AASS: variants seen among roughly 807,000 people sequenced by gnomAD.
AASS encodes the protein aminoadipate-semialdehyde synthase.
AASS carries 86 observed loss-of-function variants against 105.4 expected under a neutral mutation model. The ratio of observed to expected loss-of-function variants is 0.82; its 90% CI spans 0.69 to 0.98. AASS has a LOEUF of 0.98. AASS is among the 50% of genes least tolerant of loss of function. The pLI, the probability that AASS is intolerant of heterozygous loss-of-function variation, is 0.00. For missense variants in AASS, 1,048 were observed against 1,143.2 expected, an observed-to-expected ratio of 0.92 and a Z score of 1.20; for synonymous variants, 381 against 394.8, an observed-to-expected ratio of 0.96 and a Z score of 0.41.
intron 6 of AASS, 39 bp downstream of exon 6, chr7:122,118,268 T>G: frequency 6.2e-7 from 1 of 1,611,464 alleles, no homozygotes; most frequent in Non-Finnish European, 8.5e-7. Flanking sequence ...GTTTCAAAGT[T>G]TTGGATTGTT....
intron 6 of AASS, among the ~76,000 whole-genome samples, chr7:122,117,813 G>A (rs1795254106): frequency 6.6e-6 from 1 of 151,872 alleles, no homozygotes; most frequent in African/African-American, 2.4e-5. Context: ...GCGTCACCAT[G>A]CCTGGCTAAT....
chr7:122,139,916 C>T lies in AASS; in HGVS notation c.-16+4245G>A, dbSNP rs1796308725. 2.0e-5 allele frequency among the ~76,000 whole-genome samples: 3 copies of T among 151,784 alleles called. 1 individual carries two copies. Among genetic ancestry groups the T allele is most frequent in the South Asian group, 4.2e-4 (2 of 4,806 alleles). On this transcript the variant is annotated intron_variant, in intron 1 of 23. Transcript: ENST00000417368. ...GCAGTAAGTGAAGATCATGCCATTA[C>T]ACTCCCACCTGGACAACAAAGTGAG...
At chr7:122,129,264 C>G in intron 3 of AASS, 97 bp downstream of exon 3, 1 of 773,566 alleles carries the variant, frequency 1.3e-6, no homozygotes, top group Non-Finnish European at 1.9e-6. Flanking sequence ...TTCTCTTAAA[C>G]TAAAGAAGAA....
intron 4 of AASS, among the ~76,000 whole-genome samples, chr7:122,123,016 C>T (rs1019575838): frequency 6.6e-6 from 1 of 152,118 alleles, no homozygotes; most frequent in Non-Finnish European, 1.5e-5. Flanking sequence ...CAGGGCATCC[C>T]TGAAAGCCTT....
Position 122,115,239 on chromosome 7 carries a change from A to G in AASS, c.895-17T>C, listed in dbSNP as rs1216138045. On this transcript the variant is annotated splice_polypyrimidine_tract_variant and intron_variant, in intron 8 of 23. Transcript: ENST00000417368. ...GGGTGCAATCTGTAATGCAAGTTCC[A>G]GGTTCAAGAAAATAGAAAATAGCCT... 6.2e-7 allele frequency: 1 copy of G among 1,613,978 alleles called. No individual in the cohort carries two copies. The highest frequency in any genetic ancestry group is 8.5e-7 in the Non-Finnish European group (1 of 1,179,870).
chr7:122,119,651 C>A (rs908874917), intron 4 of AASS, among the ~76,000 whole-genome samples: 2 of 151,964 alleles, frequency 1.3e-5, no homozygotes, highest in Non-Finnish European at 2.9e-5. Flanking sequence ...CATAATGCAC[C>A]CATTTAAAAT....
chr7:122,122,921 A>G (rs541826309), intron 4 of AASS, among the ~76,000 whole-genome samples: 15 of 152,262 alleles, frequency 9.9e-5, no homozygotes, highest in African/African-American at 3.4e-4. Flanking sequence ...CATCTCTCTC[A>G]AAGTAGACAT....
chr7:122,132,786 T>C (rs1326227936), intron 2 of AASS, among the ~76,000 whole-genome samples: 3 of 152,032 alleles, frequency 2.0e-5, no homozygotes, highest in Admixed American at 2.0e-4. Flanking sequence ...AGTCTTGGGG[T>C]CTAGAGTCCA....
At chr7:122,097,505 C>A (rs898717884) in intron 15 of AASS, among the ~76,000 whole-genome samples, 1 of 151,816 alleles carries the variant, frequency 6.6e-6, no homozygotes, top group Non-Finnish European at 1.5e-5. Flanking sequence ...GGTAGTTTTT[C>A]GATCCTCACC....
In AASS at chr7:122,113,453, G is replaced by GT. The variant is rs894181891; in HGVS notation, c.1166+144dup. Reference sequence around the variant, plus strand: ...TATGTGTGTGTGTTCAAATGTGCATGTTTTTTTCCCCAAATTTTAGTATGT... The same window carrying GT: ...TATGTGTGTGTGTTCAAATGTGCATGTTTTTTTTCCCCAAATTTTAGTATGT... On this transcript the variant is annotated intron_variant, in intron 10 of 23. Transcript: ENST00000417368. 1.1e-5 allele frequency: 12 copies of GT among 1,106,096 alleles called. No individual in the cohort carries two copies. In the African/African-American group the frequency reaches 1.6e-4, roughly 14 times the overall value. The allele number at this position is 1,106,096 out of a possible 1,614,324, so 68.5% of individuals were successfully genotyped here.
intron 9 of AASS, 52 bp from the exon 10 acceptor site, chr7:122,113,772 A>G (rs747393156): frequency 2.5e-6 from 4 of 1,599,228 alleles, no homozygotes; most frequent in Non-Finnish European, 3.4e-6. Flanking sequence ...GAAGTCTCCA[A>G]CAAGACTAAA....
intron 1 of AASS, among the ~76,000 whole-genome samples, chr7:122,139,940 A>G (rs1796309360): frequency 7.3e-6 from 1 of 136,956 alleles, no homozygotes; most frequent in East Asian, 2.1e-4. Flanking sequence ...CAACAAAGTG[A>G]GACTGTCTCA....
chr7:122,131,999 C>T (rs1041508316), intron 2 of AASS, among the ~76,000 whole-genome samples: 1 of 152,080 alleles, frequency 6.6e-6, no homozygotes, highest in African/African-American at 2.4e-5. Context: ...CCAAAATATA[C>T]TCAAAAAAGC....
At chr7:122,078,261 A>AT (rs1156878117) in intron 22 of AASS, among the ~76,000 whole-genome samples, 2 of 152,110 alleles carry the variant, frequency 1.3e-5, no homozygotes, top group African/African-American at 2.4e-5. Context: ...AAGCGCTGCT[A>AT]TAGAGGCCTT....
At chr7:122,134,852 T>C (rs910238988) in intron 1 of AASS, among the ~76,000 whole-genome samples, 6 of 152,102 alleles carry the variant, frequency 3.9e-5, no homozygotes, top group African/African-American at 1.2e-4. Flanking sequence ...CTATTCACAA[T>C]AGCAAAGACT....
intron 2 of AASS, among the ~76,000 whole-genome samples, chr7:122,132,329 A>G (rs563244661): frequency 5.4e-4 from 83 of 152,334 alleles, no homozygotes; most frequent in Non-Finnish European, 1.0e-3. Flanking sequence ...CTCTTTTCTA[A>G]AGAAGAATGT....
intron 1 of AASS, among the ~76,000 whole-genome samples, chr7:122,137,435 CAACAGTCACAGTGAATT>C (rs1164501500): frequency 6.6e-6 from 1 of 152,184 alleles, no homozygotes; most frequent in Non-Finnish European, 1.5e-5. Context: ...GCTTTGCCTT[CAACAGTCACAGTGAATT>C]AACAGTTCTC....
At chr7:122,085,624 G>T (rs569004520) in intron 19 of AASS, among the ~76,000 whole-genome samples, 2 of 152,076 alleles carry the variant, frequency 1.3e-5, no homozygotes, top group South Asian at 4.1e-4. Context: ...CTATTAGAAC[G>T]GTATCATTTT....
rs1429263991 is a variant in AASS at position 122,118,544 on chromosome 7, C to T, written c.540+19G>A. On this transcript the variant is annotated intron_variant, in intron 5 of 23. Coordinates refer to ENST00000417368, the MANE Select transcript of AASS (RefSeq NM_005763.4). ...TGAGATGTGTTTTCAAAAAAATTAG[C>T]AAAATAAACATCTCTTACCATAAAA... 1 of 1,613,818 alleles carries T rather than the reference C, an allele frequency of 6.2e-7. No homozygotes were observed. Among genetic ancestry groups the T allele is most frequent in the Non-Finnish European group, 8.5e-7 (1 of 1,179,960 alleles).
Sources: allele counts gnomAD v4.1 joint callset (sites outside exome capture counted in the v4.1 genomes callset), GRCh38; gene constraint gnomAD v4.1.1; transcripts MANE v1.5; gene names NCBI Gene and HGNC (gene_info 2026-07-23, HGNC 2026-07-21).